MTHFD2L: variants seen among roughly 807,000 people sequenced by gnomAD.
MTHFD2L encodes the protein bifunctional methylenetetrahydrofolate dehydrogenase/cyclohydrolase 2, mitochondrial.
A neutral mutation model predicts 34.9 loss-of-function variants in MTHFD2L; 29 were observed. The observed-to-expected ratio is 0.83, with a 90% CI of 0.62 to 1.13. The LOEUF is 1.13. MTHFD2L is among the 50% of genes most tolerant of loss of function. The pLI, the probability that MTHFD2L is intolerant of heterozygous loss-of-function variation, is 0.00. For synonymous variants in MTHFD2L, 167 were observed against 155.7 expected (o/e 1.07, Z -0.54); for missense variants, 481 against 446.5 (o/e 1.08, Z -0.70).
chr4:74,292,765 C>T (rs1749115444), intron 7 of MTHFD2L, among the ~76,000 whole-genome samples: 1 of 152,124 alleles, frequency 6.6e-6, no homozygotes, highest in Non-Finnish European at 1.5e-5. Flanking sequence ...TGACAGCATC[C>T]ATGGTCAGAA....
intron 6 of MTHFD2L, among the ~76,000 whole-genome samples, chr4:74,271,114 T>C (rs1384013885): frequency 6.6e-6 from 1 of 152,242 alleles, no homozygotes; most frequent in Non-Finnish European, 1.5e-5. Context: ...TCTCCCATTC[T>C]GTAGGTTGCC....
At position 74,290,322 on chromosome 4, in the gene MTHFD2L, A is replaced by G. The variant is rs75747350; in HGVS notation, c.931+8772A>G. Among the ~76,000 whole-genome samples the G allele has an allele frequency of 5.7e-3, 871 of 152,234 alleles. 7 individuals are homozygous for G. Among genetic ancestry groups the G allele is most frequent in the African/African-American group, 0.02 (835 of 41,562 alleles). On this transcript the variant is annotated intron_variant, in intron 7 of 7. Coordinates refer to ENST00000325278, the MANE Select transcript of MTHFD2L (RefSeq NM_001144978.3). Reference sequence around the variant, plus strand: ...TGGAGTGCTTTGTAAGCAGCTTTCTATGTTTTCTTTTAATGCTTTGTATTT... The same window carrying G: ...TGGAGTGCTTTGTAAGCAGCTTTCTGTGTTTTCTTTTAATGCTTTGTATTT...
rs371206527 is a variant in MTHFD2L at position 74,198,931 on chromosome 4, C to T, written c.452-863C>T. Among the ~76,000 whole-genome samples the T allele has an allele frequency of 3.3e-5, 5 of 152,056 alleles. No homozygotes were observed. In the East Asian group the frequency reaches 7.7e-4, roughly 23 times the overall value. Reference sequence around the variant, plus strand: ...AATACAAAAGATATAAAACCCAAGGCATAGCTTTCTGAAAAGTTTGAACTT... The same window carrying T: ...AATACAAAAGATATAAAACCCAAGGTATAGCTTTCTGAAAAGTTTGAACTT... On this transcript the variant is annotated intron_variant, in intron 3 of 7. Transcript: ENST00000325278.
intron 6 of MTHFD2L, among the ~76,000 whole-genome samples, chr4:74,268,652 C>A (rs747322872): frequency 1.3e-5 from 2 of 152,090 alleles, no homozygotes; most frequent in Non-Finnish European, 2.9e-5. Flanking sequence ...CTTGACTGAG[C>A]CATTTCATGA....
At chr4:74,184,536 T>C (rs565220199) in intron 3 of MTHFD2L, among the ~76,000 whole-genome samples, 1 of 152,118 alleles carries the variant, frequency 6.6e-6, no homozygotes, top group Non-Finnish European at 1.5e-5. Flanking sequence ...AAAGCTAATA[T>C]AATTGCAAGG....
intron 6 of MTHFD2L, among the ~76,000 whole-genome samples, chr4:74,269,694 G>A (rs890872906): frequency 2.6e-5 from 4 of 152,084 alleles, no homozygotes; most frequent in Non-Finnish European, 5.9e-5. Flanking sequence ...CAAATTCAGA[G>A]TCTGATTTTC....
At chr4:74,158,336 G>A in intron 1 of MTHFD2L, 55 bp downstream of exon 1, 1 of 1,181,754 alleles carries the variant, frequency 8.5e-7, no homozygotes, top group African/African-American at 1.6e-5. Context: ...AGGTCGGCGG[G>A]GGCGCGGGCG....
upstream of MTHFD2L, among the ~76,000 whole-genome samples, chr4:74,123,742 GA>G (rs1224810964): frequency 1.3e-5 from 2 of 151,852 alleles, no homozygotes; most frequent in African/African-American, 2.4e-5. Context: ...TCTGTTGTGA[GA>G]AAAAAATAAC....
chr4:74,225,174 A>G, intron 5 of MTHFD2L, 128 bp from the exon 6 acceptor site: 1 of 694,728 alleles, frequency 1.4e-6, no homozygotes, highest in East Asian at 2.7e-5. Context: ...TTTGTGCTCA[A>G]AGTGATTTAG....
intron 1 of MTHFD2L, among the ~76,000 whole-genome samples, chr4:74,137,827 C>T (rs1164913386): frequency 6.6e-6 from 1 of 151,928 alleles, no homozygotes; most frequent in South Asian, 2.1e-4. Context: ...AACTTGAGAT[C>T]ACTATGTTAA....
intron 3 of MTHFD2L, chr4:74,190,658 A>G (rs1732313045): frequency 3.3e-6 from 1 of 298,512 alleles, no homozygotes; most frequent in Non-Finnish European, 4.9e-6. Context: ...ATATTGGGAA[A>G]GTGGTAGGCA....
chr4:74,188,241 C>G (rs951160874), intron 3 of MTHFD2L, among the ~76,000 whole-genome samples: 1 of 152,182 alleles, frequency 6.6e-6, no homozygotes, highest in African/African-American at 2.4e-5. Context: ...GAGGCTTAAA[C>G]AGCAGAAATG....
chr4:74,189,498 T>C (rs994835230), intron 3 of MTHFD2L, among the ~76,000 whole-genome samples: 26 of 148,814 alleles, frequency 1.7e-4, no homozygotes, highest in African/African-American at 5.5e-4. Context: ...TTTTTTTTTT[T>C]TTTTTTTTTT....
rs538631468 is a variant in MTHFD2L, at chr4:74,269,567, A to T, written c.806-11858A>T. 1.1e-3 allele frequency among the ~76,000 whole-genome samples: 167 copies of T among 151,968 alleles called. 1 individual carries two copies. Among genetic ancestry groups the T allele is most frequent in the Non-Finnish European group, 6.2e-4 (42 of 67,926 alleles). On this transcript the variant is annotated intron_variant, in intron 6 of 7. Transcript: ENST00000325278. ...ACAAATACATTATATATAATAATAA[A>T]TAATGTATAAATAATGTATGAATAA... is the stretch of plus-strand genomic sequence containing the variant.
At chr4:74,227,205 C>T (rs1222535360) in intron 6 of MTHFD2L, among the ~76,000 whole-genome samples, 1 of 152,186 alleles carries the variant, frequency 6.6e-6, no homozygotes, top group Non-Finnish European at 1.5e-5. Flanking sequence ...CTTCTACTGT[C>T]TTTCTCTTCC....
At chr4:74,164,209 C>A (rs1338144510) in intron 1 of MTHFD2L, among the ~76,000 whole-genome samples, 1 of 152,144 alleles carries the variant, frequency 6.6e-6, no homozygotes, top group African/African-American at 2.4e-5. Flanking sequence ...TAAAATGGTT[C>A]ATTGCAGCTC....
chr4:74,220,662 T>C (rs951918883), intron 5 of MTHFD2L, among the ~76,000 whole-genome samples: 1 of 151,956 alleles, frequency 6.6e-6, no homozygotes, highest in African/African-American at 2.4e-5. Context: ...TTTGTTATGC[T>C]TATTTTAAGT....
chr4:74,182,888 A>G (rs974457108), intron 3 of MTHFD2L: 1 of 152,202 alleles, frequency 6.6e-6, no homozygotes, highest in African/African-American at 2.4e-5. Flanking sequence ...GTTGTAAATT[A>G]CAAAAAGTAG....
chr4:74,296,332 CA>C (rs1404220229), intron 7 of MTHFD2L, among the ~76,000 whole-genome samples: 14 of 152,046 alleles, frequency 9.2e-5, no homozygotes, highest in African/African-American at 3.4e-4. Context: ...ATATGGCTGA[CA>C]TGGTGGACTG....
Sources: gnomAD v4.1 joint callset for allele counts (sites outside exome capture counted in the v4.1 genomes callset) on GRCh38, gnomAD v4.1.1 for gene constraint, MANE v1.5 for transcripts, NCBI Gene and HGNC (gene_info 2026-07-23, HGNC 2026-07-21) for gene names.